The following GABRB1 variants were observed in gnomAD, a reference collection of about 807,000 sequenced individuals.
The protein encoded by GABRB1 is gamma-aminobutyric acid type A receptor subunit beta1.
In GABRB1, 17 loss-of-function variants were observed where a neutral mutation model predicts 51.6. The observed-to-expected ratio is 0.33, with a 90% CI of 0.23 to 0.49. The LOEUF is 0.49. GABRB1 is among the 20% of genes least tolerant of loss of function. GABRB1 has a pLI of 0.99. For synonymous variants in GABRB1, 247 were observed against 218.9 expected (o/e 1.13, Z -1.14); for missense variants, 410 against 600.6 (o/e 0.68, Z 3.32).
intron 4 of GABRB1, among the ~76,000 whole-genome samples, chr4:47,258,119 A>G (rs1196228442): frequency 6.6e-6 from 1 of 152,164 alleles, no homozygotes; most frequent in Non-Finnish European, 1.5e-5. Flanking sequence ...TCTTCAGTTA[A>G]AATAACTCAT....
intron 4 of GABRB1, among the ~76,000 whole-genome samples, chr4:47,174,770 T>TCACAAGAA (rs1560571414): frequency 1.3e-5 from 2 of 152,134 alleles, no homozygotes; most frequent in Non-Finnish European, 2.9e-5. Flanking sequence ...CTTAGGATTT[T>TCACAAGAA]TGCTGGGTAG....
In GABRB1 at chr4:47,167,713, GC is replaced by G. The variant is rs1351187312; in HGVS notation, c.461+6245del. 2.0e-5 allele frequency among the ~76,000 whole-genome samples: 3 copies of G among 152,206 alleles called. No individual in the cohort carries two copies. The East Asian group carries it at 5.8e-4, about 29-fold the overall frequency. On this transcript the variant is annotated intron_variant, in intron 4 of 8. Transcript: ENST00000295454. ...GCTCCATCCTTGCAAATGGACTAAA[GC>G]TTTTCATGGGAGTTGGTGTGCCCCC...
At chr4:47,383,359 G>A (rs1176980192) in intron 5 of GABRB1, among the ~76,000 whole-genome samples, 1 of 152,110 alleles carries the variant, frequency 6.6e-6, no homozygotes, top group Non-Finnish European at 1.5e-5. Context: ...ACTCAGGTCA[G>A]GGACCACAAC....
chr4:47,250,474 C>T (rs990759639), intron 4 of GABRB1, among the ~76,000 whole-genome samples: 1 of 152,142 alleles, frequency 6.6e-6, no homozygotes, highest in Non-Finnish European at 1.5e-5. Context: ...GTTCTTTGTG[C>T]TTCTTGTATT....
At chr4:47,053,949 C>T (rs1451213527) in intron 3 of GABRB1, among the ~76,000 whole-genome samples, 1 of 152,086 alleles carries the variant, frequency 6.6e-6, no homozygotes, top group Non-Finnish European at 1.5e-5. Context: ...TGTCCTTTAC[C>T]TAAAGTCTAA....
At chr4:47,171,935 C>A (rs1196406686) in intron 4 of GABRB1, among the ~76,000 whole-genome samples, 1 of 152,048 alleles carries the variant, frequency 6.6e-6, no homozygotes, top group Non-Finnish European at 1.5e-5. Flanking sequence ...GGCTGGGTTG[C>A]AATTCAACTT....
intron 3 of GABRB1, among the ~76,000 whole-genome samples, chr4:47,123,873 CTTAT>C (rs1415522556): frequency 3.0e-5 from 2 of 66,958 alleles, no homozygotes; most frequent in Non-Finnish European, 5.6e-5. Flanking sequence ...TGATATATAT[CTTAT>C]ATATAATATA....
intron 3 of GABRB1, among the ~76,000 whole-genome samples, chr4:47,127,250 T>C (rs1716190413): frequency 6.6e-6 from 1 of 151,770 alleles, no homozygotes; most frequent in Non-Finnish European, 1.5e-5. Flanking sequence ...AATATCAACA[T>C]GCTTATAATT....
intron 4 of GABRB1, among the ~76,000 whole-genome samples, chr4:47,246,337 C>CATATATATATATATATATATAT (rs60968247): frequency 1.9e-5 from 1 of 53,360 alleles, no homozygotes; most frequent in Non-Finnish European, 4.1e-5. Context: ...CACATATGTA[C>CATATATATATATATATATATAT]ATATATATAT....
chr4:47,309,882 AT>A (rs1482351049), intron 4 of GABRB1, among the ~76,000 whole-genome samples: 1 of 152,050 alleles, frequency 6.6e-6, no homozygotes, highest in African/African-American at 2.4e-5. Context: ...TGTTATATGC[AT>A]TTTTTATTTC....
At chr4:47,296,265 C>T (rs12644456) in intron 4 of GABRB1, among the ~76,000 whole-genome samples, 97,422 of 151,798 alleles carry the variant, frequency 0.64, 31,716 homozygotes, top group East Asian at 0.97. Context: ...ACAATATTAA[C>T]CTTAAATGTA....
chr4:47,001,616 A>AT (rs1455166914), intron 1 of GABRB1, among the ~76,000 whole-genome samples: 3 of 152,230 alleles, frequency 2.0e-5, no homozygotes, highest in African/African-American at 7.2e-5. Context: ...CTGCCAGCAG[A>AT]TGGACTTCAG....
chr4:47,426,232 G>C lies in GABRB1; in HGVS notation c.*214G>C. 2 of 401,796 alleles carry C rather than the reference G, an allele frequency of 5.0e-6. No individual in the cohort carries two copies. The highest frequency in any genetic ancestry group is 8.8e-6 in the Non-Finnish European group (2 of 226,714). 24.9% of individuals were successfully genotyped at this position (401,796 alleles called of 1,614,324 possible). The stretch of plus-strand genomic sequence containing the variant: ...ATTTTTCCAGTCTACCGTGGTCCAG[G>C]TTATCAGCTCTTTAAGAGCTCTATT... On this transcript the variant is annotated 3_prime_UTR_variant, in exon 9 of 9. Transcript: ENST00000295454.
intron 3 of GABRB1, among the ~76,000 whole-genome samples, chr4:47,155,174 A>G (rs1717636313): frequency 6.6e-6 from 1 of 152,100 alleles, no homozygotes; most frequent in South Asian, 2.1e-4. Flanking sequence ...AATTACAGGC[A>G]GGCAGTCTCC....
At chr4:47,315,721 TC>T (rs1390578715) in intron 4 of GABRB1, among the ~76,000 whole-genome samples, 2 of 152,020 alleles carry the variant, frequency 1.3e-5, no homozygotes, top group African/African-American at 4.8e-5. Context: ...TGAGATCATG[TC>T]CTTTGCAGCA....
rs966623683 is a variant in GABRB1 at position 47,329,706 on chromosome 4, C to T, written c.544+9497C>T. ...GTATCTTATCTCTATATATAGATAT[C>T]ATATATATGATACATAGCTATCAAT... On this transcript the variant is annotated intron_variant, in intron 5 of 8. Coordinates refer to ENST00000295454, the MANE Select transcript of GABRB1 (RefSeq NM_000812.4). Among the ~76,000 whole-genome samples the T allele has an allele frequency of 2.7e-5, 4 of 147,784 alleles. No homozygotes were observed. In the East Asian group the frequency reaches 7.9e-4, roughly 29 times the overall value.
intron 5 of GABRB1, among the ~76,000 whole-genome samples, chr4:47,331,461 T>C (rs1323169355): frequency 6.6e-6 from 1 of 152,112 alleles, no homozygotes; most frequent in African/African-American, 2.4e-5. Flanking sequence ...ACAGTTTATT[T>C]TCCATCCATG....
chr4:47,132,626 A>G (rs1229004667), intron 3 of GABRB1, among the ~76,000 whole-genome samples: 1 of 152,250 alleles, frequency 6.6e-6, no homozygotes, highest in Non-Finnish European at 1.5e-5. Flanking sequence ...AAAAGGACCA[A>G]GTGTGGAATA....
At chr4:47,405,815 C>T (rs1728548955) in intron 7 of GABRB1, among the ~76,000 whole-genome samples, 1 of 152,078 alleles carries the variant, frequency 6.6e-6, no homozygotes, top group Non-Finnish European at 1.5e-5. Context: ...ACAATTATCA[C>T]TTCATCACCA....
Sources: allele counts gnomAD v4.1 joint callset (sites outside exome capture counted in the v4.1 genomes callset), GRCh38; gene constraint gnomAD v4.1.1; transcripts MANE v1.5; gene names NCBI Gene and HGNC (gene_info 2026-07-23, HGNC 2026-07-21).